The following CTCF variants were observed in gnomAD, a reference collection of about 807,000 sequenced individuals.
CTCF encodes the protein transcriptional repressor CTCF.
Under a neutral mutation model 72.3 loss-of-function variants are expected in CTCF, and 7 were observed. The ratio of observed to expected loss-of-function variants is 0.10; its 90% CI spans 0.06 to 0.18. The LOEUF (loss-of-function observed/expected upper bound fraction) is 0.18, where lower values mean the gene tolerates loss of function less well. Among genes scored for constraint, CTCF ranks in the 10% least tolerant of loss-of-function variants. CTCF has a pLI of 1.00. For missense variants in CTCF, 516 were observed against 949.1 expected, an observed-to-expected ratio of 0.54 and a Z score of 6.00; for synonymous variants, 374 against 315.8, an observed-to-expected ratio of 1.18 and a Z score of -1.95.
intron 2 of CTCF, among the ~76,000 whole-genome samples, chr16:67,602,262 A>G (rs561205596): frequency 1.1e-4 from 16 of 152,322 alleles, no homozygotes; most frequent in Non-Finnish European, 2.4e-4. Flanking sequence ...ATCAAATTAT[A>G]TGCTACAAAA....
intron 9 of CTCF, 118 bp from the exon 10 acceptor site, chr16:67,629,278 GAC>G: frequency 1.1e-6 from 1 of 910,154 alleles, no homozygotes; most frequent in Non-Finnish European, 1.7e-6. Context: ...GCGTGTTCAG[GAC>G]ACACTTAGCA....
At position 67,629,746 on chromosome 16, in the gene CTCF, CTTTTTTTTTTTTTT is replaced by C. The variant is rs71145978; in HGVS notation, c.1837+246_1837+259del. Among the ~76,000 whole-genome samples the C allele has an allele frequency of 8.7e-4, 55 of 63,358 alleles. 6 individuals are homozygous for C. The highest frequency in any genetic ancestry group is 3.2e-3 in the African/African-American group (51 of 15,938). 41.6% of individuals were successfully genotyped at this position (63,358 alleles called of 152,430 possible). A position where few individuals can be genotyped will look rare whatever the true frequency, so the allele number is the denominator to read the frequency against. On this transcript the variant is annotated intron_variant, in intron 10 of 11. Coordinates refer to ENST00000264010, the MANE Select transcript of CTCF (RefSeq NM_006565.4). ...TCGTGGCATTCCGCTCATTAATGCC[CTTTTTTTTTTTTTT>C]TTTTTTTTTTTTTTTTTTTTTTTTT... is the stretch of plus-strand genomic sequence containing the variant.
intron 2 of CTCF, among the ~76,000 whole-genome samples, chr16:67,606,697 G>A (rs2051977554): frequency 6.6e-6 from 1 of 151,190 alleles, no homozygotes; most frequent in East Asian, 1.9e-4. Flanking sequence ...ACTAACAAAA[G>A]CTTCGTTTGA....
At chr16:67,569,613 C>T (rs201074430) in intron 1 of CTCF, among the ~76,000 whole-genome samples, 5 of 151,266 alleles carry the variant, frequency 3.3e-5, no homozygotes, top group Non-Finnish European at 7.4e-5. Flanking sequence ...TTCCGTTATT[C>T]GACTAAAAAA....
intron 2 of CTCF, among the ~76,000 whole-genome samples, chr16:67,584,938 T>C (rs1307733735): frequency 1.3e-5 from 2 of 152,250 alleles, no homozygotes; most frequent in African/African-American, 4.8e-5. Context: ...CATTCATTTT[T>C]TAAATCTCTT....
intron 2 of CTCF, among the ~76,000 whole-genome samples, chr16:67,606,309 T>C (rs2051972347): frequency 6.6e-6 from 1 of 152,236 alleles, no homozygotes; most frequent in South Asian, 2.1e-4. Context: ...TGCCTTTAAA[T>C]GTCCTGCTCA....
At chr16:67,631,684 C>CCCCCCCTTT (rs2052367665) in intron 10 of CTCF, among the ~76,000 whole-genome samples, 1 of 110,274 alleles carries the variant, frequency 9.1e-6, no homozygotes, top group African/African-American at 3.2e-5. Flanking sequence ...CCCCCCACCC[C>CCCCCCCTTT]CCCCCCCTTT....
rs763761583 is a variant in CTCF at position 67,592,441 on chromosome 16, C to T, written c.-9-18383C>T. Among the ~76,000 whole-genome samples, 47 of 151,672 alleles carry T rather than the reference C, an allele frequency of 3.1e-4. 1 individual carries two copies. The highest frequency in any genetic ancestry group is 9.2e-4 in the Admixed American group (14 of 15,202). On this transcript the variant is annotated intron_variant, in intron 2 of 11. Transcript: ENST00000264010. ...ATAAATAAGGCCAGGCACAGTGGCT[C>T]ATGCCTGTAATCCCAGTAATTTAGG... is the stretch of plus-strand genomic sequence containing the variant.
chr16:67,620,603 G>C (rs755740948), intron 5 of CTCF, 94 bp from the exon 6 acceptor site: 1 of 1,033,912 alleles, frequency 9.7e-7, no homozygotes, highest in Non-Finnish European at 1.4e-6. Context: ...CTGAACTTCA[G>C]TGCCCCAAAG....
intron 2 of CTCF, among the ~76,000 whole-genome samples, chr16:67,575,134 A>G (rs929776013): frequency 2.0e-5 from 3 of 152,148 alleles, no homozygotes; most frequent in African/African-American, 7.2e-5. Context: ...CTGTAGTCCT[A>G]GCTATTCAGG....
chr16:67,633,950 G>A (rs75962241), intron 10 of CTCF, among the ~76,000 whole-genome samples: 6,334 of 151,960 alleles, frequency 0.042, 140 homozygotes, highest in Middle Eastern at 0.055. Flanking sequence ...TTTGAAATTC[G>A]GTATTGTGTT....
chr16:67,592,644 G>A (rs1478520499), intron 2 of CTCF, among the ~76,000 whole-genome samples: 2 of 151,968 alleles, frequency 1.3e-5, no homozygotes, highest in African/African-American at 2.4e-5. Context: ...GGCGGAAGTC[G>A]CAGTGAGCCA....
At chr16:67,621,786 A>G (rs909954068) in intron 7 of CTCF, among the ~76,000 whole-genome samples, 195 bp downstream of exon 7, 1 of 73,468 alleles carries the variant, frequency 1.4e-5, no homozygotes, top group South Asian at 3.6e-4. Flanking sequence ...TCCTTTTCTT[A>G]CTGTAGTCAG....
At chr16:67,627,942 A>AAAAAC in intron 8 of CTCF, 1 of 154,446 alleles carries the variant, frequency 6.5e-6, no homozygotes. Context: ...AAAAAAAAAA[A>AAAAAC]AAGTCAGCTG....
rs767573596 is a variant in CTCF, at chr16:67,616,897, G to C, written c.1086+19G>C. 7.4e-6 allele frequency: 12 copies of C among 1,613,324 alleles called. No homozygotes were observed. In the Admixed American group the frequency reaches 1.3e-4, roughly 18 times the overall value. The stretch of plus-strand genomic sequence containing the variant: ...TGTAGAAGTGAGTGTTCAGCTTTTT[G>C]TTGGTATCTCTCTTAGGCAGACCAT... On this transcript the variant is annotated intron_variant, in intron 5 of 11. Transcript: ENST00000264010.
chr16:67,602,868 A>ATC (rs1567604717), intron 2 of CTCF, among the ~76,000 whole-genome samples: 29 of 151,266 alleles, frequency 1.9e-4, no homozygotes, highest in Admixed American at 7.3e-4. Flanking sequence ...AAAAGAGAAG[A>ATC]AAATCTTAAT....
rs2052389183 is a variant in CTCF at position 67,633,403 on chromosome 16, T to C, written c.1838-3287T>C. Among the ~76,000 whole-genome samples the C allele has an allele frequency of 2.0e-5, 3 of 152,160 alleles. No homozygotes were observed. In the South Asian group the frequency reaches 6.2e-4, roughly 31 times the overall value. Reference sequence around the variant, plus strand: ...CCTGGCTCCTCGTCAGTATTCTTTATACAATAGTTTCCTCACTTTCATGTA... The same window carrying C: ...CCTGGCTCCTCGTCAGTATTCTTTACACAATAGTTTCCTCACTTTCATGTA... On this transcript the variant is annotated intron_variant, in intron 10 of 11. Coordinates refer to ENST00000264010, the MANE Select transcript of CTCF (RefSeq NM_006565.4).
At chr16:67,622,482 G>A (rs1054787717) in intron 7 of CTCF, among the ~76,000 whole-genome samples, 61 of 152,088 alleles carry the variant, frequency 4.0e-4, no homozygotes, top group African/African-American at 1.4e-3. Context: ...TTGTAGTACC[G>A]TAAATACATA....
chr16:67,606,903 A>G (rs1439543110), intron 2 of CTCF, among the ~76,000 whole-genome samples: 1 of 151,578 alleles, frequency 6.6e-6, no homozygotes, highest in Non-Finnish European at 1.5e-5. Flanking sequence ...AGTAGCTGGG[A>G]TTAGAGGCAC....
Sources: allele counts gnomAD v4.1 joint callset (sites outside exome capture counted in the v4.1 genomes callset), GRCh38; gene constraint gnomAD v4.1.1; transcripts MANE v1.5; gene names NCBI Gene and HGNC (gene_info 2026-07-23, HGNC 2026-07-21).